MYO3B: variants seen among roughly 807,000 people sequenced by gnomAD.
MYO3B encodes myosin IIIB.
A neutral mutation model predicts 174.6 loss-of-function variants in MYO3B; 156 were observed. The ratio of observed to expected loss-of-function variants is 0.89; its 90% CI spans 0.78 to 1.02. MYO3B has a LOEUF of 1.02. Ranked by LOEUF, MYO3B falls within the 50% of genes least tolerant of loss-of-function variation. MYO3B has a pLI of 0.00. For synonymous variants in MYO3B, 563 were observed against 569.1 expected (o/e 0.99, Z 0.15); for missense variants, 1,632 against 1,639.4 (o/e 1.00, Z 0.08).
At chr2:170,260,228 G>A (rs997911712) in intron 7 of MYO3B, among the ~76,000 whole-genome samples, 1 of 152,140 alleles carries the variant, frequency 6.6e-6, no homozygotes, top group Non-Finnish European at 1.5e-5. Context: ...ATGCCCAAAG[G>A]AAAAGAAATC....
At chr2:170,613,683 G>C (rs1695262927) in intron 32 of MYO3B, among the ~76,000 whole-genome samples, 1 of 152,168 alleles carries the variant, frequency 6.6e-6, no homozygotes, top group Non-Finnish European at 1.5e-5. Context: ...GCTGGGAAAG[G>C]CAGACCCACC....
chr2:170,213,374 C>T (rs1391154496), intron 3 of MYO3B, among the ~76,000 whole-genome samples: 2 of 152,080 alleles, frequency 1.3e-5, no homozygotes, highest in Non-Finnish European at 2.9e-5. Context: ...GCAGGGGGTA[C>T]GTGACAGGGG....
intron 7 of MYO3B, among the ~76,000 whole-genome samples, chr2:170,275,359 A>G (rs1462034558): frequency 1.3e-5 from 2 of 152,244 alleles, no homozygotes; most frequent in Admixed American, 6.5e-5. Flanking sequence ...ATGTCTTAGA[A>G]TAGTCAGACA....
chr2:170,603,975 T>A (rs1188588499), intron 32 of MYO3B, among the ~76,000 whole-genome samples: 1 of 152,232 alleles, frequency 6.6e-6, no homozygotes, highest in Admixed American at 6.5e-5. Context: ...CACTGTGTTA[T>A]AATTGCCTAC....
At chr2:170,651,467 A>T (rs1699006668) in intron 32 of MYO3B, among the ~76,000 whole-genome samples, 161 bp from the exon 33 acceptor site, 1 of 152,192 alleles carries the variant, frequency 6.6e-6, no homozygotes, top group African/African-American at 2.4e-5. Context: ...ATCTGTGTGT[A>T]TTTTTTAGGA....
At chr2:170,574,552 A>G (rs1485490922) in intron 32 of MYO3B, among the ~76,000 whole-genome samples, 1 of 152,182 alleles carries the variant, frequency 6.6e-6, no homozygotes, top group African/African-American at 2.4e-5. Flanking sequence ...TCAAATACTA[A>G]TTAAAAGAAA....
At chr2:170,417,808 C>A (rs578203489) in intron 22 of MYO3B, among the ~76,000 whole-genome samples, 6 of 152,322 alleles carry the variant, frequency 3.9e-5, no homozygotes, top group African/African-American at 1.2e-4. Flanking sequence ...TCCAGTATGA[C>A]CTCATCTAAA....
At chr2:170,512,810 A>C (rs1688065221) in intron 28 of MYO3B, among the ~76,000 whole-genome samples, 1 of 152,156 alleles carries the variant, frequency 6.6e-6, no homozygotes, top group Non-Finnish European at 1.5e-5. Flanking sequence ...TTAGGAGTTC[A>C]GACTTTAGGA....
chr2:170,577,540 C>T (rs1040411878), intron 32 of MYO3B, among the ~76,000 whole-genome samples: 3 of 152,186 alleles, frequency 2.0e-5, no homozygotes, highest in African/African-American at 7.2e-5. Flanking sequence ...TCTGGACTTA[C>T]GAATAAACTC....
chr2:170,601,198 A>G (rs1340371115), intron 32 of MYO3B, among the ~76,000 whole-genome samples: 1 of 152,214 alleles, frequency 6.6e-6, no homozygotes, highest in African/African-American at 2.4e-5. Context: ...TCAGAATGTC[A>G]ACAAAACAGC....
At chr2:170,624,007 G>A (rs1696170971) in intron 32 of MYO3B, among the ~76,000 whole-genome samples, 1 of 152,218 alleles carries the variant, frequency 6.6e-6, no homozygotes, top group Non-Finnish European at 1.5e-5. Flanking sequence ...CAGGTAGTGT[G>A]ATGCCTCCAG....
chr2:170,463,139 C>A (rs534537039), intron 23 of MYO3B, among the ~76,000 whole-genome samples: 17 of 152,332 alleles, frequency 1.1e-4, no homozygotes, highest in Middle Eastern at 3.4e-3. Flanking sequence ...GGGGTTTACA[C>A]TGAAACCACA....
chr2:170,537,448 A>ATTTTTTTTTTTTTTTTTTTTTTT (rs559086883), intron 30 of MYO3B, among the ~76,000 whole-genome samples: 2 of 54,824 alleles, frequency 3.6e-5, no homozygotes, highest in East Asian at 7.2e-4. Context: ...GAGCTCTTTG[A>ATTTTTTTTTTTTTTTTTTTTTTT]TTTTTTTTTT....
At chr2:170,361,123 T>C (rs2094157428) in intron 8 of MYO3B, among the ~76,000 whole-genome samples, 1 of 152,180 alleles carries the variant, frequency 6.6e-6, no homozygotes, top group Non-Finnish European at 1.5e-5. Flanking sequence ...CATTTATCAA[T>C]TGTTCGCTAT....
At chr2:170,322,381 CAGTT>C (rs1224874011) in intron 7 of MYO3B, among the ~76,000 whole-genome samples, 1 of 152,176 alleles carries the variant, frequency 6.6e-6, no homozygotes, top group African/African-American at 2.4e-5. Flanking sequence ...TGTGCTTGCT[CAGTT>C]AGGCCCCCTT....
Position 170,217,389 on chromosome 2 carries a change from C to T in MYO3B, c.597C>T (p.Ala199=), listed in dbSNP as rs776432620. ...NTSVGTPFWM[A]PEVIACEQQY... is the part of the protein sequence containing the mutation. ...CTGTTGGCACCCCGTTCTGGATGGC[C>T]CCTGAGGTAAGCTGGAAATACCTAG... The change falls in exon 6 of 35, where the codon GCC becomes GCT. Residue 199 remains alanine (A), a synonymous_variant. Coordinates refer to ENST00000408978, the MANE Select transcript of MYO3B (RefSeq NM_138995.5). The T allele has an allele frequency of 6.2e-7, 1 of 1,613,636 alleles. No individual in the cohort carries two copies. The highest frequency in any genetic ancestry group is 8.5e-7 in the Non-Finnish European group (1 of 1,179,582).
chr2:170,454,486 G>T (rs1352930873), intron 23 of MYO3B, among the ~76,000 whole-genome samples: 2 of 152,340 alleles, frequency 1.3e-5, no homozygotes, highest in Non-Finnish European at 2.9e-5. Flanking sequence ...GTCTCCGCAG[G>T]ACTATTTCTC....
chr2:170,460,535 AC>A (rs556138377), intron 23 of MYO3B, among the ~76,000 whole-genome samples: 103 of 151,566 alleles, frequency 6.8e-4, no homozygotes, highest in Middle Eastern at 3.5e-3. Flanking sequence ...TCTGTCAAAC[AC>A]AGTACTAAGT....
chr2:170,651,769 G>A, intron 33 of MYO3B, 35 bp downstream of exon 33: 2 of 1,558,436 alleles, frequency 1.3e-6, no homozygotes, highest in South Asian at 2.2e-5. Context: ...TGTTTCACTG[G>A]CTTTGTTTCC....
Sources: allele counts gnomAD v4.1 joint callset (sites outside exome capture counted in the v4.1 genomes callset), GRCh38; gene constraint gnomAD v4.1.1; transcripts MANE v1.5; gene names NCBI Gene and HGNC (gene_info 2026-07-23, HGNC 2026-07-21).